Variants in RANBP17 observed in about 807,000 individuals in gnomAD.
The protein encoded by RANBP17 is RAN binding protein 17, also known as ran-binding protein 17.
RANBP17 carries 158 observed loss-of-function variants against 141.2 expected under a neutral mutation model. The ratio of observed to expected loss-of-function variants is 1.12; its 90% CI spans 0.98 to 1.28. The LOEUF is 1.28. RANBP17 is among the 50% of genes most tolerant of loss of function. The pLI is 0.00. For missense variants in RANBP17, 1,438 were observed against 1,290.7 expected, an observed-to-expected ratio of 1.11 and a Z score of -1.75; for synonymous variants, 430 against 450.0, an observed-to-expected ratio of 0.96 and a Z score of 0.56.
intron 14 of RANBP17, among the ~76,000 whole-genome samples, chr5:171,105,406 A>AT (rs70982322): frequency 2.7e-5 from 4 of 145,830 alleles, no homozygotes; most frequent in Non-Finnish European, 3.0e-5. Context: ...AAAAAAAAAA[A>AT]TTTTCCTGGG....
chr5:171,298,125 T>G (rs2128048175), intron 27 of RANBP17, among the ~76,000 whole-genome samples: 1 of 152,290 alleles, frequency 6.6e-6, no homozygotes, highest in Non-Finnish European at 1.5e-5. Context: ...CACAACGTGC[T>G]GGAATTACAG....
chr5:170,866,457 C>T (rs533959969), intron 1 of RANBP17, among the ~76,000 whole-genome samples: 4 of 152,084 alleles, frequency 2.6e-5, no homozygotes, highest in African/African-American at 7.2e-5. Context: ...AGGTGGGTCA[C>T]GAGGTCACGA....
chr5:171,223,225 A>G (rs903654446), intron 22 of RANBP17, among the ~76,000 whole-genome samples: 1 of 152,200 alleles, frequency 6.6e-6, no homozygotes, highest in Non-Finnish European at 1.5e-5. Context: ...TCATGTGTAA[A>G]AACTAGAGAA....
In RANBP17 at chr5:171,037,905, G is replaced by A. The variant is rs559879784; in HGVS notation, c.1710+69528G>A. 2.6e-5 allele frequency among the ~76,000 whole-genome samples: 4 copies of A among 152,182 alleles called. No individual in the cohort carries two copies. In the East Asian group the frequency reaches 5.8e-4, roughly 22 times the overall value. ...TGTTCAGGATTGCTTTGGCTATTCA[G>A]GCTCTTTCTGTTCTGTATGAATTTT... On this transcript the variant is annotated intron_variant, in intron 14 of 27. Coordinates refer to ENST00000523189, the MANE Select transcript of RANBP17 (RefSeq NM_022897.5).
At chr5:170,928,097 C>T (rs554287028) in intron 12 of RANBP17, among the ~76,000 whole-genome samples, 2 of 152,060 alleles carry the variant, frequency 1.3e-5, no homozygotes, top group African/African-American at 4.8e-5. Flanking sequence ...AATTTGCATT[C>T]CCTAATGATT....
chr5:171,085,438 C>A (rs1277591132), intron 14 of RANBP17, among the ~76,000 whole-genome samples: 2 of 74,238 alleles, frequency 2.7e-5, no homozygotes, highest in Non-Finnish European at 5.9e-5. Flanking sequence ...ATTGACTTGG[C>A]AATGCAGGCT....
chr5:171,233,684 G>A (rs1269740652), intron 22 of RANBP17, among the ~76,000 whole-genome samples: 1 of 152,148 alleles, frequency 6.6e-6, no homozygotes, highest in East Asian at 1.9e-4. Flanking sequence ...GTGACATTCT[G>A]GAAAAGGGAA....
chr5:170,942,455 G>C (rs139599096), intron 12 of RANBP17, among the ~76,000 whole-genome samples: 1 of 152,136 alleles, frequency 6.6e-6, no homozygotes, highest in Non-Finnish European at 1.5e-5. Context: ...GTGAGTGTCA[G>C]AGATAAGATG....
At chr5:171,179,468 C>G (rs1034309799) in intron 16 of RANBP17, among the ~76,000 whole-genome samples, 1 of 152,070 alleles carries the variant, frequency 6.6e-6, no homozygotes, top group African/African-American at 2.4e-5. Flanking sequence ...GTGCATATAA[C>G]CTAAGTACAG....
rs577649310 is a variant in RANBP17, at chr5:171,113,891, A to G, written c.1711-56239A>G. Among the ~76,000 whole-genome samples the G allele has an allele frequency of 3.3e-5, 5 of 152,330 alleles. No individual in the cohort carries two copies. The South Asian group carries it at 1.0e-3, about 32-fold the overall frequency. On this transcript the variant is annotated intron_variant, in intron 14 of 27. Coordinates refer to ENST00000523189, the MANE Select transcript of RANBP17 (RefSeq NM_022897.5). ...AGTTTTCTAGAAGCTCTATGTCATTATATCACAACAGATTGAATGCAGAAG... is the reference window on the plus strand; with the variant it reads ...AGTTTTCTAGAAGCTCTATGTCATTGTATCACAACAGATTGAATGCAGAAG...
intron 12 of RANBP17, among the ~76,000 whole-genome samples, chr5:170,936,728 T>C (rs546536865): frequency 3.9e-5 from 6 of 152,336 alleles, no homozygotes; most frequent in Middle Eastern, 3.4e-3. Context: ...TAAATATAAA[T>C]TAAGATAATG....
At chr5:171,142,135 G>A (rs1425366128) in intron 14 of RANBP17, among the ~76,000 whole-genome samples, 6 of 151,996 alleles carry the variant, frequency 3.9e-5, no homozygotes, top group South Asian at 2.1e-4. Context: ...TACCTGTTAC[G>A]GGCATGAGTT....
intron 14 of RANBP17, among the ~76,000 whole-genome samples, chr5:171,144,230 G>A (rs1445103084): frequency 6.6e-6 from 1 of 151,976 alleles, no homozygotes; most frequent in African/African-American, 2.4e-5. Flanking sequence ...TAGGAATGGT[G>A]GTGTGCACTA....
At chr5:170,970,784 C>T (rs998708389) in intron 14 of RANBP17, 3 of 152,090 alleles carry the variant, frequency 2.0e-5, no homozygotes, top group African/African-American at 4.8e-5. Context: ...CCCTTTTTAA[C>T]TCTCAAATTC....
At chr5:171,180,335 G>T (rs1760791410) in intron 16 of RANBP17, among the ~76,000 whole-genome samples, 1 of 152,190 alleles carries the variant, frequency 6.6e-6, no homozygotes, top group Non-Finnish European at 1.5e-5. Flanking sequence ...GACAGATCTG[G>T]ATTTGAATCG....
rs183370570 is a variant in RANBP17, at chr5:171,127,811, C to G, written c.1711-42319C>G. Among the ~76,000 whole-genome samples, 8 of 152,192 alleles carry G rather than the reference C, an allele frequency of 5.3e-5. No homozygotes were observed. In the East Asian group the frequency reaches 1.5e-3, roughly 29 times the overall value. Reference sequence around the variant, plus strand: ...AATAGTATAGAGGTTTCTTGATAAACAAAAATAGAACTACCATGTGATTCA... The same window carrying G: ...AATAGTATAGAGGTTTCTTGATAAAGAAAAATAGAACTACCATGTGATTCA... On this transcript the variant is annotated intron_variant, in intron 14 of 27. Coordinates refer to ENST00000523189, the MANE Select transcript of RANBP17 (RefSeq NM_022897.5).
chr5:171,013,206 C>A (rs1384050919), intron 14 of RANBP17, among the ~76,000 whole-genome samples: 2 of 152,174 alleles, frequency 1.3e-5, no homozygotes, highest in Non-Finnish European at 2.9e-5. Flanking sequence ...ATAATCTCAA[C>A]ATTCATCACC....
At chr5:171,049,679 C>G (rs558696055) in intron 14 of RANBP17, among the ~76,000 whole-genome samples, 1 of 152,286 alleles carries the variant, frequency 6.6e-6, no homozygotes, top group South Asian at 2.1e-4. Context: ...TTTCAATCCT[C>G]TGCATGTGAC....
chr5:170,947,501 C>G (rs376999075), intron 12 of RANBP17, among the ~76,000 whole-genome samples: 1 of 151,166 alleles, frequency 6.6e-6, no homozygotes, highest in East Asian at 1.9e-4. Flanking sequence ...ATAGGAAATG[C>G]TGGGGGGGAT....
Sources: gnomAD v4.1 joint callset for allele counts (sites outside exome capture counted in the v4.1 genomes callset) on GRCh38, gnomAD v4.1.1 for gene constraint, MANE v1.5 for transcripts, NCBI Gene and HGNC (gene_info 2026-07-23, HGNC 2026-07-21) for gene names.